HHIPL2: variants seen among roughly 807,000 people sequenced by gnomAD.
The protein encoded by HHIPL2 is HHIP-like protein 2.
HHIPL2 carries 61 observed loss-of-function variants against 61.0 expected under a neutral mutation model. That is an observed-to-expected ratio of 1.00 (90% confidence interval 0.81 to 1.24). The LOEUF (loss-of-function observed/expected upper bound fraction) is 1.24. HHIPL2 is among the 50% of genes most tolerant of loss of function. The pLI is 0.00. For synonymous variants in HHIPL2, 343 were observed against 357.4 expected (o/e 0.96, Z 0.45); for missense variants, 885 against 910.2 (o/e 0.97, Z 0.36).
intron 5 of HHIPL2, among the ~76,000 whole-genome samples, chr1:222,534,591 A>AT (rs1267013502): frequency 0.064 from 9,563 of 150,458 alleles, 876 homozygotes; most frequent in East Asian, 0.26. Flanking sequence ...AAAAAAAAAA[A>AT]AAAAAAATTA....
At chr1:222,529,384 G>A (rs932659696) in intron 6 of HHIPL2, among the ~76,000 whole-genome samples, 18 of 152,166 alleles carry the variant, frequency 1.2e-4, no homozygotes, top group African/African-American at 4.3e-4. Flanking sequence ...GATAAATGTG[G>A]TGTCTACGAA....
intron 5 of HHIPL2, 103 bp from the exon 6 acceptor site, chr1:222,532,214 C>G (rs1659207924): frequency 3.0e-6 from 3 of 1,016,756 alleles, no homozygotes; most frequent in South Asian, 2.2e-5. Flanking sequence ...GACTGAGTCC[C>G]CCATTAAGAG....
chr1:222,527,717 G>A (rs1659099623), intron 6 of HHIPL2, among the ~76,000 whole-genome samples: 1 of 152,174 alleles, frequency 6.6e-6, no homozygotes, highest in Non-Finnish European at 1.5e-5. Context: ...GACCCAATGG[G>A]AGATAATTGA....
chr1:222,542,885 T>C (rs1342142828), intron 2 of HHIPL2, among the ~76,000 whole-genome samples: 2 of 152,174 alleles, frequency 1.3e-5, no homozygotes, highest in Non-Finnish European at 2.9e-5. Flanking sequence ...CAACCATCCT[T>C]TTCCAGGGCT....
At chr1:222,537,631 C>CAAAAAAAAAA (rs755361476) in intron 5 of HHIPL2, among the ~76,000 whole-genome samples, 2 of 80,632 alleles carry the variant, frequency 2.5e-5, no homozygotes. Context: ...GACTCCATCT[C>CAAAAAAAAAA]AAAAAAAAAA....
chr1:222,531,084 A>G lies in HHIPL2; in HGVS notation c.1723+882T>C, dbSNP rs550196734. 5.3e-5 allele frequency among the ~76,000 whole-genome samples: 8 copies of G among 152,352 alleles called. No individual in the cohort carries two copies. The East Asian group carries it at 1.5e-3, about 29-fold the overall frequency. The stretch of plus-strand genomic sequence containing the variant: ...CTCTCGCTCATGTGTACACGTGCAC[A>G]TCATGCTTCACTGATTCCCTTAACA... On this transcript the variant is annotated intron_variant, in intron 6 of 8. Transcript: ENST00000343410.
intron 5 of HHIPL2, among the ~76,000 whole-genome samples, chr1:222,534,938 T>C (rs1288402451): frequency 3.3e-5 from 5 of 152,186 alleles, no homozygotes; most frequent in African/African-American, 1.2e-4. Context: ...AAATGTTCCA[T>C]ATTTCTTGAA....
At chr1:222,532,814 A>C (rs1659220060) in intron 5 of HHIPL2, among the ~76,000 whole-genome samples, 1 of 151,220 alleles carries the variant, frequency 6.6e-6, no homozygotes, top group South Asian at 2.1e-4. Flanking sequence ...ATATACATAA[A>C]GATCTCACCA....
At chr1:222,529,182 C>G (rs189816020) in intron 6 of HHIPL2, among the ~76,000 whole-genome samples, 2 of 152,254 alleles carry the variant, frequency 1.3e-5, no homozygotes, top group African/African-American at 4.8e-5. Context: ...TAAGTGTGAG[C>G]CTCATGGTCT....
intron 7 of HHIPL2, 87 bp downstream of exon 7, chr1:222,526,882 G>A (rs372892269): frequency 3.3e-5 from 35 of 1,050,166 alleles, no homozygotes; most frequent in African/African-American, 3.2e-4. Flanking sequence ...AGTTTGCTTC[G>A]GGACAATGAG....
chr1:222,542,270 G>A (rs1474903895), intron 2 of HHIPL2, 115 bp from the exon 3 acceptor site: 4 of 1,210,108 alleles, frequency 3.3e-6, no homozygotes, highest in Middle Eastern at 2.0e-4. Flanking sequence ...AGCCAGCCAA[G>A]ACCTGCTTCT....
At position 222,544,113 on chromosome 1, in the gene HHIPL2, C is replaced by CA. The variant is rs1558133129; in HGVS notation, c.397dup (p.Cys133LeufsTer3). On this transcript the variant is annotated frameshift_variant, in exon 2 of 9. Coordinates refer to ENST00000343410, the MANE Select transcript of HHIPL2 (RefSeq NM_024746.4). LOFTEE classifies it high-confidence loss of function. ...ATGGAAGGCAGAGCAGTAATCAGAGCAGAGGCCCGGGAGATTCCGGAGAGG... is the reference window on the plus strand; with the variant it reads ...ATGGAAGGCAGAGCAGTAATCAGAGCAAGAGGCCCGGGAGATTCCGGAGAGG... The CA allele has an allele frequency of 6.2e-7, 1 of 1,614,068 alleles. No homozygotes were observed. Among genetic ancestry groups the CA allele is most frequent in the Non-Finnish European group, 8.5e-7 (1 of 1,180,038 alleles).
At chr1:222,546,059 T>A (rs1050505232) in intron 1 of HHIPL2, among the ~76,000 whole-genome samples, 31 of 151,354 alleles carry the variant, frequency 2.0e-4, no homozygotes, top group African/African-American at 6.8e-4. Flanking sequence ...AATAAATAAA[T>A]AAATAAATAA....
intron 1 of HHIPL2, among the ~76,000 whole-genome samples, chr1:222,545,262 C>G (rs1470314556): frequency 1.3e-5 from 2 of 152,178 alleles, no homozygotes; most frequent in Non-Finnish European, 2.9e-5. Flanking sequence ...AGCCAGCCAG[C>G]CTGTGCAGAA....
At chr1:222,526,705 C>CA (rs1187186640) in intron 7 of HHIPL2, among the ~76,000 whole-genome samples, 1,739 of 53,284 alleles carry the variant, frequency 0.033, 37 homozygotes, top group African/African-American at 0.048. Flanking sequence ...AACTCCATCT[C>CA]AAAAAAAAAA....
intron 3 of HHIPL2, among the ~76,000 whole-genome samples, chr1:222,541,086 C>T (rs1659422229): frequency 6.6e-6 from 1 of 152,126 alleles, no homozygotes; most frequent in South Asian, 2.1e-4. Flanking sequence ...AAATATATAG[C>T]TAGATACATA....
intron 5 of HHIPL2, among the ~76,000 whole-genome samples, chr1:222,533,114 C>A (rs1431026547): frequency 6.6e-6 from 1 of 152,134 alleles, no homozygotes; most frequent in Admixed American, 6.5e-5. Flanking sequence ...CCTGTAATCC[C>A]AACACTTTGG....
chr1:222,544,237 G>A (rs768298687), intron 1 of HHIPL2, 48 bp from the exon 2 acceptor site: 3 of 1,549,682 alleles, frequency 1.9e-6, no homozygotes, highest in Non-Finnish European at 2.6e-6. Flanking sequence ...CTGCCACACC[G>A]GCACTTGTCT....
chr1:222,523,860 G>A (rs1659007044), intron 7 of HHIPL2, among the ~76,000 whole-genome samples, 166 bp from the exon 8 acceptor site: 1 of 152,138 alleles, frequency 6.6e-6, no homozygotes, highest in African/African-American at 2.4e-5. Context: ...AGAAGGTGAG[G>A]TAAAAGGGCA....
Sources: gnomAD v4.1 joint callset for allele counts (sites outside exome capture counted in the v4.1 genomes callset) on GRCh38, gnomAD v4.1.1 for gene constraint, MANE v1.5 for transcripts, NCBI Gene and HGNC (gene_info 2026-07-23, HGNC 2026-07-21) for gene names.